The following CFAP54 variants were observed in gnomAD, a reference collection of about 807,000 sequenced individuals.
The protein encoded by CFAP54 is cilia and flagella associated protein 54.
In CFAP54, 290 loss-of-function variants were observed where a neutral mutation model predicts 370.4. The observed-to-expected ratio is 0.78, with a 90% CI of 0.71 to 0.86. The LOEUF (loss-of-function observed/expected upper bound fraction) is 0.86, where lower values mean the gene tolerates loss of function less well. Ranked by LOEUF, CFAP54 falls within the 40% of genes least tolerant of loss-of-function variation. The pLI, the probability that CFAP54 is intolerant of heterozygous loss-of-function variation, is 0.00. For synonymous variants in CFAP54, 1,206 were observed against 1,236.5 expected (o/e 0.98, Z 0.52); for missense variants, 3,399 against 3,528.7 (o/e 0.96, Z 0.93).
chr12:96,799,248 C>T (rs1958797139), intron 63 of CFAP54, among the ~76,000 whole-genome samples: 1 of 152,156 alleles, frequency 6.6e-6, no homozygotes. Flanking sequence ...GTCAATATAG[C>T]CTTTCACAGA....
At chr12:96,648,618 T>C (rs187342100) in intron 34 of CFAP54, among the ~76,000 whole-genome samples, 121 of 120,138 alleles carry the variant, frequency 1.0e-3, no homozygotes, top group African/African-American at 3.6e-3. Context: ...GGAGACGGAG[T>C]CTCACCCTAT....
chr12:96,639,181 G>A (rs1045011819), intron 32 of CFAP54, among the ~76,000 whole-genome samples: 1 of 152,072 alleles, frequency 6.6e-6, no homozygotes, highest in Non-Finnish European at 1.5e-5. Context: ...TAGACCGATA[G>A]CAAGACTAGT....
intron 40 of CFAP54, chr12:96,682,116 A>T: frequency 1.1e-6 from 1 of 923,686 alleles, no homozygotes; most frequent in Non-Finnish European, 1.3e-6. Context: ...AAATTGATTT[A>T]TTATTATTAT....
intron 12 of CFAP54, among the ~76,000 whole-genome samples, 155 bp from the exon 13 acceptor site, chr12:96,538,229 G>A (rs761760192): frequency 1.3e-5 from 2 of 152,060 alleles, no homozygotes; most frequent in African/African-American, 2.4e-5. Flanking sequence ...TGTAAAATGG[G>A]GAGGATCATA....
At chr12:96,557,568 C>T (rs150539907) in intron 17 of CFAP54, among the ~76,000 whole-genome samples, 2 of 152,138 alleles carry the variant, frequency 1.3e-5, no homozygotes, top group Non-Finnish European at 2.9e-5. Context: ...GATAAAGAAA[C>T]TGTGATATAT....
Position 96,590,409 on chromosome 12 carries a change from C to T in CFAP54, c.3212+846C>T, listed in dbSNP as rs118141209. Among the ~76,000 whole-genome samples the T allele has an allele frequency of 1.9e-3, 296 of 152,228 alleles. 3 individuals are homozygous for T. The East Asian group carries it at 0.044, about 22-fold the overall frequency. ...AAATGAGCATTACTGTAATTTCAGGCGGTCTCAACAAATTCAAAAGCAACA... is the reference window on the plus strand; with the variant it reads ...AAATGAGCATTACTGTAATTTCAGGTGGTCTCAACAAATTCAAAAGCAACA... On this transcript the variant is annotated intron_variant, in intron 23 of 67. Coordinates refer to ENST00000524981, the MANE Select transcript of CFAP54 (RefSeq NM_001306084.2).
chr12:96,683,862 GCTCA>G (rs79702772), intron 40 of CFAP54, among the ~76,000 whole-genome samples: 23,336 of 151,976 alleles, frequency 0.15, 2,275 homozygotes, highest in East Asian at 0.47. Context: ...CACGATCTTG[GCTCA>G]CTGCAACCTC....
At chr12:96,699,849 GCATTAC>G (rs1172748069) in intron 45 of CFAP54, 116 bp from the exon 46 acceptor site, 18 of 735,208 alleles carry the variant, frequency 2.4e-5, no homozygotes, top group Non-Finnish European at 3.8e-5. Context: ...AATTCATAAT[GCATTAC>G]CAACATTAAG....
chr12:96,824,350 G>C (rs1259354161), intron 65 of CFAP54, among the ~76,000 whole-genome samples: 1 of 152,144 alleles, frequency 6.6e-6, no homozygotes, highest in South Asian at 2.1e-4. Context: ...AAAATGTTGA[G>C]CTGAAGCAGG....
At chr12:96,494,814 C>T (rs1708497144) in intron 1 of CFAP54, among the ~76,000 whole-genome samples, 1 of 152,008 alleles carries the variant, frequency 6.6e-6, no homozygotes, top group Non-Finnish European at 1.5e-5. Flanking sequence ...GCAGCTTCCG[C>T]CTCCCGGATT....
chr12:96,833,910 T>C (rs1959178272), intron 66 of CFAP54, among the ~76,000 whole-genome samples: 1 of 152,184 alleles, frequency 6.6e-6, no homozygotes, highest in Non-Finnish European at 1.5e-5. Context: ...AAGAGCCCTA[T>C]GACATTGGTT....
chr12:96,765,361 C>T (rs1958391670), intron 60 of CFAP54, 143 bp downstream of exon 60: 2 of 612,368 alleles, frequency 3.3e-6, no homozygotes, highest in Non-Finnish European at 5.1e-6. Flanking sequence ...CATAGGGGTC[C>T]TAGGGCCAAA....
intron 47 of CFAP54, among the ~76,000 whole-genome samples, chr12:96,707,716 C>G (rs1957561196): frequency 6.6e-6 from 1 of 152,048 alleles, no homozygotes; most frequent in Admixed American, 6.6e-5. Flanking sequence ...GTGGTAATGC[C>G]AGCCTTAGGT....
intron 19 of CFAP54, among the ~76,000 whole-genome samples, chr12:96,571,479 T>C (rs1955916395): frequency 6.6e-6 from 1 of 152,166 alleles, no homozygotes. Context: ...TACTGAACCT[T>C]TCTAATTTGC....
chr12:96,657,852 A>G lies in CFAP54; in HGVS notation c.5101-30A>G, dbSNP rs759833991. 9 of 1,339,136 alleles carry G rather than the reference A, an allele frequency of 6.7e-6. No individual in the cohort carries two copies. In the African/African-American group the frequency reaches 1.7e-4, roughly 26 times the overall value. The allele number at this position is 1,339,136 out of a possible 1,614,324, so 83.0% of individuals were successfully genotyped here. A position where few individuals can be genotyped will look rare whatever the true frequency, so the allele number is the denominator to read the frequency against. The stretch of plus-strand genomic sequence containing the variant: ...AATATGCAGTAAAATCTGAAATTAC[A>G]CATTTTTTTTTTCACTGTGCTACTT... On this transcript the variant is annotated intron_variant, in intron 36 of 67. Coordinates refer to ENST00000524981, the MANE Select transcript of CFAP54 (RefSeq NM_001306084.2).
intron 32 of CFAP54, among the ~76,000 whole-genome samples, chr12:96,641,534 T>C (rs1427115099): frequency 1.3e-5 from 2 of 152,010 alleles, no homozygotes; most frequent in Non-Finnish European, 2.9e-5. Flanking sequence ...TCCTCAGGGA[T>C]CTAGAACTAG....
intron 39 of CFAP54, among the ~76,000 whole-genome samples, chr12:96,669,413 T>A (rs1957119520): frequency 6.6e-6 from 1 of 152,190 alleles, no homozygotes. Flanking sequence ...GGAAACAGAT[T>A]GAAAGGAGAC....
chr12:96,862,034 T>G (rs1379538981), intron 67 of CFAP54, among the ~76,000 whole-genome samples: 1 of 152,048 alleles, frequency 6.6e-6, no homozygotes, highest in Non-Finnish European at 1.5e-5. Flanking sequence ...TAAAAAAAAA[T>G]GAAACAACGG....
At position 96,630,220 on chromosome 12, in the gene CFAP54, G is replaced by C. The variant is rs1433661097; in HGVS notation, c.4215+16G>C. 1.5e-6 allele frequency: 2 copies of C among 1,296,250 alleles called. No individual in the cohort carries two copies. Among genetic ancestry groups the C allele is most frequent in the Admixed American group, 2.7e-5 (1 of 37,498 alleles). The allele number at this position is 1,296,250 out of a possible 1,614,324, so 80.3% of individuals were successfully genotyped here. On this transcript the variant is annotated intron_variant, in intron 31 of 67. Transcript: ENST00000524981. ...AATTGGAAGAGTAAGTTTCCTATGA[G>C]TTTTGAATTTTAGGTAATGAAATTA...
Sources: gnomAD v4.1 joint callset for allele counts (sites outside exome capture counted in the v4.1 genomes callset) on GRCh38, gnomAD v4.1.1 for gene constraint, MANE v1.5 for transcripts, NCBI Gene and HGNC (gene_info 2026-07-23, HGNC 2026-07-21) for gene names.